GRK3: variants seen among roughly 807,000 people sequenced by gnomAD.
The protein encoded by GRK3 is adrenergic, beta, receptor kinase 2.
Under a neutral mutation model 95.7 loss-of-function variants are expected in GRK3, and 54 were observed. That is an observed-to-expected ratio of 0.56 (90% CI 0.45 to 0.71). GRK3 has a LOEUF of 0.71. GRK3 is among the 30% of genes least tolerant of loss of function. The probability of loss-of-function intolerance (pLI) is 0.00; values close to 1 mark genes in which losing one functional copy is unlikely to be tolerated. For synonymous variants in GRK3, 281 were observed against 290.8 expected (o/e 0.97, Z 0.34); for missense variants, 649 against 851.2 (o/e 0.76, Z 2.96).
chr22:25,722,824 C>CTG lies in GRK3; in HGVS notation c.*376_*377dup. 6.0e-6 allele frequency: 1 copy of CTG among 165,614 alleles called. No individual in the cohort carries two copies. Among genetic ancestry groups the CTG allele is most frequent in the Admixed American group, 6.1e-5 (1 of 16,360 alleles). The allele number at this position is 165,614 out of a possible 1,614,324, so 10.3% of individuals were successfully genotyped here. ...ATTGCCCTAAGCATTGCCACATATTCTGTCTAGTCACTGCTGATTTTCTAT... is the reference window on the plus strand; with the variant it reads ...ATTGCCCTAAGCATTGCCACATATTCTGTGTCTAGTCACTGCTGATTTTCTAT... On this transcript the variant is annotated 3_prime_UTR_variant, in exon 21 of 21. Coordinates refer to ENST00000324198, the MANE Select transcript of GRK3 (RefSeq NM_005160.4).
intron 15 of GRK3, among the ~76,000 whole-genome samples, chr22:25,709,631 T>C (rs975245871): frequency 4.6e-5 from 7 of 152,148 alleles, no homozygotes; most frequent in African/African-American, 1.7e-4. Context: ...TATATATATA[T>C]CTGTGAAAAT....
intron 2 of GRK3, among the ~76,000 whole-genome samples, chr22:25,633,772 G>A (rs1445662548): frequency 6.6e-6 from 1 of 152,008 alleles, no homozygotes; most frequent in Non-Finnish European, 1.5e-5. Context: ...ATTTTAAATA[G>A]TTTGTTTTTC....
rs1406035476 is a variant in GRK3 at position 25,678,862 on chromosome 22, G to C, written c.694G>C (p.Gly232Arg). 6.2e-7 allele frequency: 1 copy of C among 1,609,254 alleles called. No homozygotes were observed. Among genetic ancestry groups the C allele is most frequent in the Admixed American group, 1.7e-5 (1 of 59,530 alleles). The change falls in exon 9 of 21, where the codon GGA becomes CGA. Residue 232 changes from glycine to arginine, a missense_variant. By Grantham distance (125) the Gly-to-Arg change is moderately radical (BLOSUM62 -2). This residue lies in a region of GRK3 where 61 missense variants were observed against 126.0 expected (regional missense o/e 0.48). Coordinates refer to ENST00000324198, the MANE Select transcript of GRK3 (RefSeq NM_005160.4). Reference protein sequence around the residue: ...LDKKRIKMKQGETLALNERIM... With the variant: ...LDKKRIKMKQRETLALNERIM... Reference sequence around the variant, plus strand: ...TAAGAAGAGGATCAAAATGAAACAAGGAGAAACATTAGCCTTAAATGAAAG... The same window carrying C: ...TAAGAAGAGGATCAAAATGAAACAACGAGAAACATTAGCCTTAAATGAAAG...
chr22:25,709,589 A>G (rs2085327763), intron 15 of GRK3, among the ~76,000 whole-genome samples: 1 of 152,018 alleles, frequency 6.6e-6, no homozygotes. Context: ...TCCTGACTAT[A>G]GAATTATTGT....
At chr22:25,693,614 C>T (rs2085182346) in intron 12 of GRK3, among the ~76,000 whole-genome samples, 1 of 152,062 alleles carries the variant, frequency 6.6e-6, no homozygotes, top group Non-Finnish European at 1.5e-5. Context: ...TGGATTTGCC[C>T]TGATGGACCA....
chr22:25,672,364 T>TC lies in GRK3; in HGVS notation c.555+18dup. The TC allele has an allele frequency of 7.3e-7, 1 of 1,365,672 alleles. No homozygotes were observed. Among genetic ancestry groups the TC allele is most frequent in the Admixed American group, 2.0e-5 (1 of 49,542 alleles). 84.6% of individuals were successfully genotyped at this position (1,365,672 alleles called of 1,614,324 possible). The stretch of plus-strand genomic sequence containing the variant: ...AATATCCATGTGAGTATCATCTTTT[T>TC]CTTTTTTCATTTTTTAAATAAAAAC... On this transcript the variant is annotated intron_variant, in intron 7 of 20. Coordinates refer to ENST00000324198, the MANE Select transcript of GRK3 (RefSeq NM_005160.4).
chr22:25,658,975 A>T (rs2084892107), intron 3 of GRK3, among the ~76,000 whole-genome samples: 1 of 152,152 alleles, frequency 6.6e-6, no homozygotes, highest in Non-Finnish European at 1.5e-5. Flanking sequence ...TGTCAAATAG[A>T]TAGTTAGATA....
intron 15 of GRK3, 71 bp downstream of exon 15, chr22:25,704,280 C>A: frequency 1.8e-6 from 2 of 1,115,160 alleles, no homozygotes; most frequent in Non-Finnish European, 1.3e-6. Flanking sequence ...TACTGTCTAT[C>A]AAAAGTCATC....
At chr22:25,703,326 A>G (rs576110363) in intron 13 of GRK3, among the ~76,000 whole-genome samples, 184 bp from the exon 14 acceptor site, 1 of 152,310 alleles carries the variant, frequency 6.6e-6, no homozygotes, top group African/African-American at 2.4e-5. Context: ...AAGTCTTGCT[A>G]TTTCAGGACC....
At chr22:25,666,821 A>G (rs1394710603) in intron 5 of GRK3, among the ~76,000 whole-genome samples, 1 of 152,178 alleles carries the variant, frequency 6.6e-6, no homozygotes, top group Non-Finnish European at 1.5e-5. Context: ...TGGATCATTC[A>G]ATGAGCTGAG....
chr22:25,662,023 A>T (rs1007741031), intron 4 of GRK3, among the ~76,000 whole-genome samples: 9 of 152,262 alleles, frequency 5.9e-5, no homozygotes, highest in Admixed American at 3.9e-4. Flanking sequence ...CAATTAAGCT[A>T]ATCAGCTATT....
chr22:25,664,762 G>A (rs1409451711), intron 5 of GRK3, among the ~76,000 whole-genome samples: 2 of 151,984 alleles, frequency 1.3e-5, no homozygotes, highest in East Asian at 1.9e-4. Flanking sequence ...CTTGTGATCC[G>A]CCCGCCTCGG....
At chr22:25,640,000 T>C (rs989987171) in intron 2 of GRK3, among the ~76,000 whole-genome samples, 1 of 152,202 alleles carries the variant, frequency 6.6e-6, no homozygotes, top group Non-Finnish European at 1.5e-5. Context: ...TTGGTTTTTA[T>C]CTAATGACCT....
At chr22:25,661,445 T>C (rs906318457) in intron 3 of GRK3, 131 bp from the exon 4 acceptor site, 3 of 523,182 alleles carry the variant, frequency 5.7e-6, no homozygotes, top group Non-Finnish European at 1.0e-5. Context: ...AGCTGTTTCC[T>C]GTGGAATAGC....
At chr22:25,721,948 C>T (rs1361744563) in intron 20 of GRK3, among the ~76,000 whole-genome samples, 1 of 152,156 alleles carries the variant, frequency 6.6e-6, no homozygotes, top group African/African-American at 2.4e-5. Flanking sequence ...ATATTTAAAA[C>T]ATTTTTTAAT....
chr22:25,617,795 G>C (rs1374402040), intron 2 of GRK3, among the ~76,000 whole-genome samples: 1 of 150,748 alleles, frequency 6.6e-6, no homozygotes, highest in African/African-American at 2.4e-5. Flanking sequence ...CTTTTTTTTT[G>C]AGATGGAGTC....
At chr22:25,641,297 C>T (rs1378982058) in intron 2 of GRK3, among the ~76,000 whole-genome samples, 1 of 152,158 alleles carries the variant, frequency 6.6e-6, no homozygotes, top group Non-Finnish European at 1.5e-5. Context: ...CCCTCTTTCC[C>T]TCATCCCTCC....
chr22:25,663,770 T>C (rs1235505849), intron 5 of GRK3, 66 bp downstream of exon 5: 4 of 1,138,858 alleles, frequency 3.5e-6, no homozygotes, highest in South Asian at 2.6e-5. Flanking sequence ...GGTGACATTC[T>C]TTTTGCATGT....
intron 1 of GRK3, among the ~76,000 whole-genome samples, chr22:25,570,959 A>G (rs111891683): frequency 0.02 from 2,989 of 152,290 alleles, 45 homozygotes; most frequent in Non-Finnish European, 0.028. Context: ...GTAGGACACT[A>G]TATAGAGAGC....
Sources: allele counts gnomAD v4.1 joint callset (sites outside exome capture counted in the v4.1 genomes callset), GRCh38; gene constraint gnomAD v4.1.1; regional missense constraint gnomAD v4.1.1; transcripts MANE v1.5; gene names NCBI Gene and HGNC (gene_info 2026-07-23, HGNC 2026-07-21).